SLC6A5: variants seen among roughly 807,000 people sequenced by gnomAD.
SLC6A5 encodes the protein sodium- and chloride-dependent glycine transporter 2.
A neutral mutation model predicts 90.5 loss-of-function variants in SLC6A5; 58 were observed. The observed-to-expected ratio is 0.64, with a 90% CI of 0.52 to 0.80. The LOEUF (loss-of-function observed/expected upper bound fraction) is 0.80. Among genes scored for constraint, SLC6A5 ranks in the 30% least tolerant of loss-of-function variants. The pLI is 0.00. For missense variants in SLC6A5, 1,015 were observed against 1,017.6 expected, an observed-to-expected ratio of 1.00 and a Z score of 0.03; for synonymous variants, 427 against 401.4, an observed-to-expected ratio of 1.06 and a Z score of -0.76.
intron 7 of SLC6A5, among the ~76,000 whole-genome samples, chr11:20,624,594 G>A (rs1309642399): frequency 3.3e-5 from 5 of 152,162 alleles, no homozygotes; most frequent in Non-Finnish European, 7.3e-5. Context: ...TGTGCAGACA[G>A]CGTGCGGCAG....
chr11:20,652,715 C>T (rs191051410), intron 15 of SLC6A5, among the ~76,000 whole-genome samples: 11 of 152,262 alleles, frequency 7.2e-5, no homozygotes, highest in South Asian at 2.1e-4. Context: ...AATAAATGAT[C>T]GGAGGGTCTC....
intron 7 of SLC6A5, among the ~76,000 whole-genome samples, chr11:20,621,476 T>C (rs893264401): frequency 2.0e-5 from 3 of 152,244 alleles, no homozygotes; most frequent in African/African-American, 7.2e-5. Context: ...TTTGAGCAGA[T>C]ATGTTTTTCA....
At chr11:20,600,534 A>G (rs1852450244) in intron 1 of SLC6A5, among the ~76,000 whole-genome samples, 1 of 152,194 alleles carries the variant, frequency 6.6e-6, no homozygotes, top group South Asian at 2.1e-4. Flanking sequence ...TTAGTTTATT[A>G]TCGTTGTAGG....
At chr11:20,605,375 C>T (rs1852559129) in intron 3 of SLC6A5, among the ~76,000 whole-genome samples, 1 of 152,212 alleles carries the variant, frequency 6.6e-6, no homozygotes, top group South Asian at 2.1e-4. Flanking sequence ...TGCTGCACCA[C>T]CGGACGGTTA....
intron 13 of SLC6A5, among the ~76,000 whole-genome samples, chr11:20,644,407 T>C: frequency 6.6e-6 from 1 of 152,200 alleles, no homozygotes; most frequent in East Asian, 1.9e-4. Flanking sequence ...ACTCGTGACA[T>C]CATCTCCACT....
chr11:20,623,979 A>G (rs934203135), intron 7 of SLC6A5, among the ~76,000 whole-genome samples: 15 of 150,106 alleles, frequency 1.0e-4, no homozygotes, highest in African/African-American at 3.0e-4. Flanking sequence ...TTGTTGGTTG[A>G]CTCTCTCCCC....
chr11:20,638,394 A>C, intron 12 of SLC6A5, 65 bp from the exon 13 acceptor site: 1 of 981,244 alleles, frequency 1.0e-6, no homozygotes, highest in Non-Finnish European at 1.7e-6. Flanking sequence ...CTGGCTGTTA[A>C]ACGTGGGAAG....
chr11:20,609,334 C>T (rs932458326), intron 5 of SLC6A5, among the ~76,000 whole-genome samples: 2 of 150,374 alleles, frequency 1.3e-5, no homozygotes, highest in African/African-American at 4.9e-5. Flanking sequence ...CACACTCTTT[C>T]TTTGTGCAGC....
chr11:20,626,619 G>A, intron 7 of SLC6A5, 89 bp from the exon 8 acceptor site: 2 of 1,419,268 alleles, frequency 1.4e-6, no homozygotes, highest in Non-Finnish European at 2.0e-6. Context: ...GTCATGCGCA[G>A]CCCCACTCTT....
chr11:20,623,789 T>C (rs1383922827), intron 7 of SLC6A5, among the ~76,000 whole-genome samples: 1 of 152,150 alleles, frequency 6.6e-6, no homozygotes, highest in Non-Finnish European at 1.5e-5. Flanking sequence ...TCCCTCCATC[T>C]GAAATGTTCT....
intron 2 of SLC6A5, among the ~76,000 whole-genome samples, chr11:20,603,892 C>G (rs1337577285): frequency 1.3e-5 from 2 of 151,716 alleles, no homozygotes; most frequent in Non-Finnish European, 2.9e-5. Context: ...GTTGGGGGAG[C>G]CTGCTTGCCA....
At chr11:20,612,359 C>A (rs1852710669) in intron 5 of SLC6A5, among the ~76,000 whole-genome samples, 1 of 151,994 alleles carries the variant, frequency 6.6e-6, no homozygotes, top group African/African-American at 2.4e-5. Flanking sequence ...TTACTGCAAC[C>A]CTGAACAACT....
intron 14 of SLC6A5, among the ~76,000 whole-genome samples, chr11:20,650,447 C>G (rs1853502593): frequency 6.6e-6 from 1 of 152,092 alleles, no homozygotes. Flanking sequence ...ACATCATGAC[C>G]TCTCTTAAAA....
chr11:20,624,847 C>T (rs921842184), intron 7 of SLC6A5, among the ~76,000 whole-genome samples: 9 of 152,300 alleles, frequency 5.9e-5, no homozygotes, highest in Non-Finnish European at 8.8e-5. Context: ...GAGTCCTAGG[C>T]CAGACTGTGA....
chr11:20,606,158 A>T (rs1484667590), intron 3 of SLC6A5, among the ~76,000 whole-genome samples: 1 of 152,204 alleles, frequency 6.6e-6, no homozygotes, highest in African/African-American at 2.4e-5. Context: ...AAACAACCTC[A>T]AAGAATGCTG....
chr11:20,604,013 G>A (rs1460652741), intron 2 of SLC6A5, among the ~76,000 whole-genome samples: 1 of 152,166 alleles, frequency 6.6e-6, no homozygotes, highest in Non-Finnish European at 1.5e-5. Flanking sequence ...TATGATCTGG[G>A]AAAGAGGGGT....
intron 13 of SLC6A5, among the ~76,000 whole-genome samples, chr11:20,645,635 G>C (rs867369011): frequency 1.1e-5 from 1 of 94,714 alleles, no homozygotes; most frequent in Non-Finnish European, 2.1e-5. Context: ...ATGATGAAGT[G>C]TTTTTTTTTT....
intron 10 of SLC6A5, among the ~76,000 whole-genome samples, chr11:20,631,831 T>C (rs988104578): frequency 5.3e-5 from 8 of 152,160 alleles, no homozygotes; most frequent in Non-Finnish European, 1.0e-4. Context: ...TCAGATGTGG[T>C]GAGAGAACTA....
intron 6 of SLC6A5, 73 bp downstream of exon 6, chr11:20,614,893 G>A (rs1006358524): frequency 2.1e-6 from 3 of 1,439,630 alleles, no homozygotes; most frequent in Admixed American, 1.7e-5. Flanking sequence ...TCAATTTGCA[G>A]ACCAGAGGTG....
Sources: allele counts gnomAD v4.1 joint callset (sites outside exome capture counted in the v4.1 genomes callset), GRCh38; gene constraint gnomAD v4.1.1; transcripts MANE v1.5; gene names NCBI Gene and HGNC (gene_info 2026-07-23, HGNC 2026-07-21).